Variants in SLC5A11 observed in about 807,000 individuals in gnomAD.
SLC5A11 encodes the protein sodium/myo-inositol cotransporter 2.
Under a neutral mutation model 69.8 loss-of-function variants are expected in SLC5A11, and 48 were observed. The ratio of observed to expected loss-of-function variants is 0.69; its 90% CI spans 0.55 to 0.87. The LOEUF (loss-of-function observed/expected upper bound fraction) is 0.87, where lower values mean the gene tolerates loss of function less well. Among genes scored for constraint, SLC5A11 ranks in the 40% least tolerant of loss-of-function variants. The probability of loss-of-function intolerance (pLI) is 0.00; values close to 1 mark genes in which losing one functional copy is unlikely to be tolerated. For missense variants in SLC5A11, 784 were observed against 866.1 expected (o/e 0.91, Z 1.19); for synonymous variants, 319 against 342.4 (o/e 0.93, Z 0.75).
In SLC5A11 at chr16:24,862,588, C is replaced by CA. The variant is rs772677148; in HGVS notation, c.136-13_136-12insA. ...ACGTCTTCCCTCACCCACCTCTCTT[C>CA]TTTTTTTTTCAGTCCACAGTGAAGA... On this transcript the variant is annotated splice_polypyrimidine_tract_variant and intron_variant, in intron 2 of 15. Transcript: ENST00000347898. 1.3e-5 allele frequency: 20 copies of CA among 1,541,852 alleles called. No homozygotes were observed. Among genetic ancestry groups the CA allele is most frequent in the East Asian group, 4.6e-5 (2 of 43,760 alleles).
At chr16:24,905,280 A>G (rs1173284909) in intron 10 of SLC5A11, among the ~76,000 whole-genome samples, 1 of 146,974 alleles carries the variant, frequency 6.8e-6, no homozygotes, top group Non-Finnish European at 1.5e-5. Context: ...AAAAAAAAAA[A>G]AAAAAAAAAA....
chr16:24,890,625 A>T (rs1358130039), intron 8 of SLC5A11, among the ~76,000 whole-genome samples: 1 of 152,122 alleles, frequency 6.6e-6, no homozygotes, highest in Admixed American at 6.6e-5. Context: ...TACTTATGTC[A>T]AACACCAAAT....
rs750048124 is a variant in SLC5A11, at chr16:24,875,747, A to G, written c.477+16A>G. 1 of 1,596,736 alleles carries G rather than the reference A, an allele frequency of 6.3e-7. No homozygotes were observed. Among genetic ancestry groups the G allele is most frequent in the Non-Finnish European group, 8.6e-7 (1 of 1,165,332 alleles). ...CAAGATCTCGGTAAGGCAGGGACACAGCCTGGCCTCACCCATGCAGCATGG... is the reference window on the plus strand; with the variant it reads ...CAAGATCTCGGTAAGGCAGGGACACGGCCTGGCCTCACCCATGCAGCATGG... On this transcript the variant is annotated intron_variant, in intron 6 of 15. Transcript: ENST00000347898.
chr16:24,907,715 A>AG (rs1488949885), intron 12 of SLC5A11, among the ~76,000 whole-genome samples: 1 of 151,516 alleles, frequency 6.6e-6, no homozygotes, highest in Non-Finnish European at 1.5e-5. Flanking sequence ...TCAAAAAAAA[A>AG]AATTAAAATA....
chr16:24,897,082 A>G (rs1013367200), intron 9 of SLC5A11, among the ~76,000 whole-genome samples: 1 of 150,310 alleles, frequency 6.7e-6, no homozygotes, highest in African/African-American at 2.5e-5. Context: ...CCTCCCAAGT[A>G]GCTGGGATTA....
At chr16:24,876,768 G>A (rs1054390750) in intron 6 of SLC5A11, among the ~76,000 whole-genome samples, 2 of 152,156 alleles carry the variant, frequency 1.3e-5, no homozygotes, top group South Asian at 2.1e-4. Context: ...AAGGGGATTG[G>A]CCCTCCAGAC....
At chr16:24,903,188 G>GT (rs796872831) in intron 10 of SLC5A11, among the ~76,000 whole-genome samples, 7,945 of 141,016 alleles carry the variant, frequency 0.056, 719 homozygotes, top group African/African-American at 0.19. Context: ...AGGGACATCT[G>GT]TTTTTTTTTT....
intron 1 of SLC5A11, among the ~76,000 whole-genome samples, chr16:24,857,031 G>A (rs1053604693): frequency 6.6e-6 from 1 of 152,120 alleles, no homozygotes; most frequent in Non-Finnish European, 1.5e-5. Context: ...CGTTGCCCAG[G>A]TTGGACTTGA....
At chr16:24,865,913 TTCTC>T (rs2046889937) in intron 3 of SLC5A11, among the ~76,000 whole-genome samples, 1 of 151,776 alleles carries the variant, frequency 6.6e-6, no homozygotes, top group Admixed American at 6.6e-5. Context: ...TCTCTTTTTC[TTCTC>T]TCTAATTTAA....
intron 7 of SLC5A11, among the ~76,000 whole-genome samples, chr16:24,879,589 T>C (rs1379155253): frequency 6.6e-6 from 1 of 152,038 alleles, no homozygotes; most frequent in Non-Finnish European, 1.5e-5. Flanking sequence ...ATACAAAAAT[T>C]AGCAGAGTGT....
intron 9 of SLC5A11, among the ~76,000 whole-genome samples, chr16:24,892,472 C>A: frequency 6.7e-6 from 1 of 149,002 alleles, no homozygotes. Context: ...AGAATAGAAT[C>A]AATATTTGCA....
At chr16:24,857,122 G>A (rs1008185541) in intron 1 of SLC5A11, among the ~76,000 whole-genome samples, 1 of 152,166 alleles carries the variant, frequency 6.6e-6, no homozygotes, top group Non-Finnish European at 1.5e-5. Flanking sequence ...GCCCGGCCAA[G>A]GTGTACAGCT....
chr16:24,911,204 C>A (rs976058288), intron 15 of SLC5A11, 124 bp from the exon 17 acceptor site: 64 of 788,410 alleles, frequency 8.1e-5, no homozygotes, highest in Non-Finnish European at 1.1e-4. Context: ...TTCAGTCGGG[C>A]ATAGTGGATG....
chr16:24,888,360 C>T (rs1278870641), intron 8 of SLC5A11, among the ~76,000 whole-genome samples: 5 of 151,774 alleles, frequency 3.3e-5, no homozygotes, highest in African/African-American at 1.2e-4. Flanking sequence ...ATACTTAATA[C>T]AGTCAAAGCT....
chr16:24,905,916 T>C (rs1335821914), intron 10 of SLC5A11, among the ~76,000 whole-genome samples: 2 of 152,188 alleles, frequency 1.3e-5, no homozygotes, highest in African/African-American at 4.8e-5. Context: ...TCCTGAGTCA[T>C]AGTAAACCTT....
chr16:24,846,131 C>T (rs1433029917), exon 1 of SLC5A11: 1 of 152,492 alleles, frequency 6.6e-6, no homozygotes. Flanking sequence ...TGGGACATGT[C>T]ACCTTCCCCA....
chr16:24,881,584 G>A (rs1173440190), intron 7 of SLC5A11, among the ~76,000 whole-genome samples: 3 of 152,228 alleles, frequency 2.0e-5, no homozygotes, highest in Non-Finnish European at 4.4e-5. Context: ...TACTGTGCCC[G>A]GCCTGTGATT....
At chr16:24,908,326 C>T (rs977452632) in intron 13 of SLC5A11, among the ~76,000 whole-genome samples, 195 bp downstream of exon 14, 5 of 151,964 alleles carry the variant, frequency 3.3e-5, no homozygotes, top group East Asian at 1.9e-4. Context: ...AGGGCTGCTG[C>T]GATGGCTCAC....
At position 24,859,122 on chromosome 16, in the gene SLC5A11, T is replaced by C. The variant is rs558790768; in HGVS notation, c.135+344T>C. The C allele has an allele frequency of 2.0e-4, 36 of 178,228 alleles. 1 individual carries two copies. Among genetic ancestry groups the C allele is most frequent in the Admixed American group, 1.3e-3 (21 of 15,964 alleles). 11.0% of individuals were successfully genotyped at this position (178,228 alleles called of 1,614,324 possible). ...TTAGGAGAGTTAGGGTTAGAATCCC[T>C]GTCTCCCTTACTTCGAAGCTCATGT... On this transcript the variant is annotated intron_variant, in intron 2 of 15. Coordinates refer to ENST00000347898, the Ensembl canonical transcript of SLC5A11.
Sources: allele counts gnomAD v4.1 joint callset (sites outside exome capture counted in the v4.1 genomes callset), GRCh38; gene constraint gnomAD v4.1.1; transcripts MANE v1.5; gene names NCBI Gene and HGNC (gene_info 2026-07-23, HGNC 2026-07-21).